The following PUDP variants were observed in gnomAD, a reference collection of about 807,000 sequenced individuals.
PUDP encodes the protein pseudouridine 5'-phosphatase.
PUDP carries 8 observed loss-of-function variants against 9.4 expected under a neutral mutation model. That is an observed-to-expected ratio of 0.85 (90% CI 0.50 to 1.53). The LOEUF is 1.53. Among genes scored for constraint, PUDP ranks in the 40% most tolerant of loss-of-function variants. The probability of loss-of-function intolerance (pLI) is 0.00; values close to 1 mark genes in which losing one functional copy is unlikely to be tolerated. For missense variants in PUDP, 188 were observed against 189.7 expected (o/e 0.99, Z 0.05); for synonymous variants, 99 against 80.7 (o/e 1.23, Z -1.22).
intron 3 of PUDP, among the ~76,000 whole-genome samples, chrX:6,751,819 G>T (rs910625628): frequency 9.0e-6 from 1 of 110,954 alleles, no homozygotes; most frequent in African/African-American, 3.3e-5. Flanking sequence ...GAATTTAGCC[G>T]AGCACTCAAG....
At chrX:6,994,771 T>G (rs1929228937) in intron 1 of PUDP, among the ~76,000 whole-genome samples, 1 of 111,648 alleles carries the variant, frequency 9.0e-6, no homozygotes, top group African/African-American at 3.3e-5. Context: ...AGAAAAGAGT[T>G]AATTTTTTCA....
At chrX:7,011,995 T>A (rs754109484) in intron 1 of PUDP, among the ~76,000 whole-genome samples, 1 of 112,575 alleles carries the variant, frequency 8.9e-6, no homozygotes, top group Admixed American at 9.4e-5. Flanking sequence ...AGGAACTGTA[T>A]CAGTTGGAGA....
chrX:6,724,437 CA>C (rs1924715208), upstream of PUDP, among the ~76,000 whole-genome samples: 1 of 93,629 alleles, frequency 1.1e-5, no homozygotes, highest in Non-Finnish European at 2.0e-5. Context: ...TTCTTCATGA[CA>C]TTTTCATGAT....
intron 3 of PUDP, among the ~76,000 whole-genome samples, chrX:6,742,711 G>C (rs908829404): frequency 8.9e-6 from 1 of 111,834 alleles, no homozygotes; most frequent in Non-Finnish European, 1.9e-5. Context: ...GGCGTTCAAG[G>C]CTGCAGTGAA....
intron 3 of PUDP, among the ~76,000 whole-genome samples, chrX:6,801,419 C>A (rs368695144): frequency 2.7e-5 from 3 of 112,188 alleles, no homozygotes; most frequent in African/African-American, 6.5e-5. Flanking sequence ...CTTACAGAAC[C>A]AATGACCGCC....
chrX:6,824,434 A>G (rs915022316), intron 3 of PUDP, among the ~76,000 whole-genome samples: 3 of 111,134 alleles, frequency 2.7e-5, no homozygotes, highest in African/African-American at 9.8e-5. Flanking sequence ...CTGACCTCCT[A>G]TCTCATCCTG....
intron 3 of PUDP, among the ~76,000 whole-genome samples, chrX:6,912,348 G>C (rs1018492382): frequency 9.0e-6 from 1 of 111,342 alleles, no homozygotes; most frequent in African/African-American, 3.3e-5. Flanking sequence ...AAAATGCCTT[G>C]GTGTGATTTT....
At chrX:6,752,203 G>T (rs1316209027) in intron 3 of PUDP, among the ~76,000 whole-genome samples, 3 of 111,304 alleles carry the variant, frequency 2.7e-5, no homozygotes, top group East Asian at 2.8e-4. Context: ...TTTCTTCCTG[G>T]TTTCCTAAAC....
chrX:7,140,787 C>G (rs1251812543), intron 1 of PUDP, among the ~76,000 whole-genome samples: 1 of 111,609 alleles, frequency 9.0e-6, no homozygotes, highest in Non-Finnish European at 1.9e-5. Flanking sequence ...TTTTGGCAAC[C>G]CTGCGTCGAG....
intron 1 of PUDP, among the ~76,000 whole-genome samples, chrX:7,007,966 T>A (rs1343979509): frequency 9.2e-6 from 1 of 108,163 alleles, no homozygotes; most frequent in African/African-American, 3.5e-5. Context: ...ATAATAAAAT[T>A]TTTTTTTTCT....
intron 3 of PUDP, among the ~76,000 whole-genome samples, chrX:6,902,750 T>G (rs1232392152): frequency 9.0e-6 from 1 of 111,380 alleles, no homozygotes; most frequent in African/African-American, 3.3e-5. Context: ...AATCTCCTGG[T>G]GAGAGAGAGT....
In PUDP at chrX:7,091,777, A is replaced by G. The variant is rs774471280; in HGVS notation, c.280+13843T>C. ...TTGCCAGAAAGCTGCTTACAGTACTAATTTCATTTACTTTGAATCACTTTT... is the reference window on the plus strand; with the variant it reads ...TTGCCAGAAAGCTGCTTACAGTACTGATTTCATTTACTTTGAATCACTTTT... On this transcript the variant is annotated intron_variant, in intron 2 of 3. Coordinates refer to ENST00000381077, the MANE Select transcript of PUDP (RefSeq NM_012080.5). Among the ~76,000 whole-genome samples, 4 of 112,300 alleles carry G rather than the reference A, an allele frequency of 3.6e-5. No individual in the cohort carries two copies. In the East Asian group the frequency reaches 1.1e-3, roughly 31 times the overall value.
At chrX:6,898,291 C>A (rs1382085567) in intron 3 of PUDP, among the ~76,000 whole-genome samples, 1 of 112,800 alleles carries the variant, frequency 8.9e-6, no homozygotes, top group East Asian at 2.8e-4. Context: ...TAACACCTGG[C>A]CATCTTTCAA....
At chrX:6,891,355 G>A (rs1018888524) in intron 3 of PUDP, among the ~76,000 whole-genome samples, 4 of 112,068 alleles carry the variant, frequency 3.6e-5, no homozygotes, top group African/African-American at 9.7e-5. Context: ...CCTGCACTAA[G>A]GTGCAGCCTG....
At chrX:6,831,922 T>C (rs1009831101) in intron 3 of PUDP, among the ~76,000 whole-genome samples, 1 of 111,719 alleles carries the variant, frequency 9.0e-6, no homozygotes, top group African/African-American at 3.3e-5. Context: ...AAATCACTCA[T>C]TAGGCAAGGA....
At chrX:6,710,052 G>C (rs1367479620) in intron 1 of PUDP, among the ~76,000 whole-genome samples, 1 of 112,018 alleles carries the variant, frequency 8.9e-6, no homozygotes, top group Non-Finnish European at 1.9e-5. Context: ...GAACCCGGGA[G>C]GTGGAGGCTG....
rs767579656 is a variant in PUDP at position 6,748,687 on chromosome X, A to G, written c.*248-42221T>C. 3.6e-5 allele frequency among the ~76,000 whole-genome samples: 4 copies of G among 112,346 alleles called. No individual in the cohort carries two copies. In the South Asian group the frequency reaches 1.1e-3, roughly 31 times the overall value. On this transcript the variant is annotated intron_variant and NMD_transcript_variant, in intron 3 of 3. Transcript: ENST00000655425. ...CCATGCAAGAATATGAACTAAAAGA[A>G]GAGATTAAGGTTGCATTTAGGAGGT...
At chrX:6,985,670 T>A (rs1929094042) in intron 1 of PUDP, among the ~76,000 whole-genome samples, 1 of 111,298 alleles carries the variant, frequency 9.0e-6, no homozygotes, top group African/African-American at 3.3e-5. Flanking sequence ...GCTGAAACAG[T>A]TGTTGTGGAA....
At chrX:6,943,664 A>C (rs1484683814) in intron 3 of PUDP, among the ~76,000 whole-genome samples, 1 of 111,701 alleles carries the variant, frequency 9.0e-6, no homozygotes, top group Non-Finnish European at 1.9e-5. Context: ...TTAATACCAG[A>C]AATATTCCGG....
Sources: gnomAD v4.1 joint callset for allele counts (sites outside exome capture counted in the v4.1 genomes callset) on GRCh38, gnomAD v4.1.1 for gene constraint, MANE v1.5 for transcripts, NCBI Gene and HGNC (gene_info 2026-07-23, HGNC 2026-07-21) for gene names.